The following CACNA1A variants were observed in gnomAD, a reference collection of about 807,000 sequenced individuals.
CACNA1A encodes the protein voltage-dependent P/Q-type calcium channel subunit alpha-1A.
A neutral mutation model predicts 262.4 loss-of-function variants in CACNA1A; 57 were observed. That is an observed-to-expected ratio of 0.22 (90% CI 0.18 to 0.27). The LOEUF (loss-of-function observed/expected upper bound fraction) is 0.27, where lower values mean the gene tolerates loss of function less well. Among genes scored for constraint, CACNA1A ranks in the 10% least tolerant of loss-of-function variants. The probability of loss-of-function intolerance (pLI) is 1.00; values close to 1 mark genes in which losing one functional copy is unlikely to be tolerated. For missense variants in CACNA1A, 2,526 were observed against 3,562.8 expected (o/e 0.71, Z 7.41); for synonymous variants, 1,431 against 1,419.3 (o/e 1.01, Z -0.18).
chr19:13,218,486 G>A (rs966494739), intron 38 of CACNA1A, among the ~76,000 whole-genome samples: 1 of 152,202 alleles, frequency 6.6e-6, no homozygotes, highest in African/African-American at 2.4e-5. Context: ...CGTTGTCTGT[G>A]CAACTCCACT....
chr19:13,431,418 T>C (rs917414815), intron 3 of CACNA1A, among the ~76,000 whole-genome samples: 3 of 151,840 alleles, frequency 2.0e-5, no homozygotes, highest in African/African-American at 7.3e-5. Flanking sequence ...CATAGAGGCA[T>C]AGAGGAAGAT....
intron 5 of CACNA1A, chr19:13,362,471 G>A (rs1440020850): frequency 6.6e-6 from 1 of 152,214 alleles, no homozygotes; most frequent in African/African-American, 2.4e-5. Context: ...CCAAAGTGCT[G>A]GGATTACAGG....
At chr19:13,427,900 T>C (rs2060433558) in intron 3 of CACNA1A, among the ~76,000 whole-genome samples, 1 of 152,160 alleles carries the variant, frequency 6.6e-6, no homozygotes, top group African/African-American at 2.4e-5. Context: ...TTAACCTCTC[T>C]GGGCATCGGT....
chr19:13,307,692 G>A (rs1188069142), intron 15 of CACNA1A, 90 bp downstream of exon 15: 1 of 992,460 alleles, frequency 1.0e-6, no homozygotes, highest in African/African-American at 1.6e-5. Context: ...AGAGAAGGAG[G>A]AGTTCAGGGA....
chr19:13,371,789 A>G lies in CACNA1A; in HGVS notation c.540-10T>C. On this transcript the variant is annotated splice_polypyrimidine_tract_variant and intron_variant, in intron 3 of 46. Transcript: ENST00000360228. ...AACTGTCGCCAAGATGCTGAAAGAA[A>G]GAAGCCAGAATGGAGAACAGAGGGT... The G allele has an allele frequency of 1.3e-6, 2 of 1,558,744 alleles. No homozygotes were observed. Among genetic ancestry groups the G allele is most frequent in the Non-Finnish European group, 1.7e-6 (2 of 1,149,720 alleles).
intron 3 of CACNA1A, among the ~76,000 whole-genome samples, chr19:13,383,035 G>A (rs915748783): frequency 2.6e-5 from 4 of 152,188 alleles, no homozygotes; most frequent in African/African-American, 9.7e-5. Context: ...CTAGTTGGGC[G>A]GGGTGAGGGG....
intron 10 of CACNA1A, among the ~76,000 whole-genome samples, chr19:13,318,968 A>G (rs1034184191): frequency 6.9e-6 from 1 of 145,208 alleles, no homozygotes; most frequent in African/African-American, 2.6e-5. Context: ...AGCTCACTGC[A>G]GCCTTGAACT....
In CACNA1A at chr19:13,207,899, G is replaced by T. The variant is rs994820572; in HGVS notation, c.6935C>A (p.Pro2312Gln). ...CTGCTGCTGCTGCTGCTGCTGCTGC[G>T]GGGGCCCCGAGCCGCCGGCCTTACG... is the stretch of plus-strand genomic sequence containing the variant. ...VIRKAGGSGPPQQQQQQQQQQ... is the reference protein window; with the variant it reads ...VIRKAGGSGPQQQQQQQQQQQ... Residue 2312 changes from proline to glutamine, a missense_variant, in exon 47 of 47, where the codon CCG becomes CAG. Around this residue, in one of 17 missense-constraint regions of CACNA1A, gnomAD observed 929 missense variants for 868.1 expected, o/e 1.07. Transcript: ENST00000360228. The surrounding 1 kb of genome is among the most constrained non-coding windows in gnomAD (Gnocchi z 5.7). 2.8e-6 allele frequency: 4 copies of T among 1,453,864 alleles called. No individual in the cohort carries two copies. Among genetic ancestry groups the T allele is most frequent in the East Asian group, 2.9e-5 (1 of 34,200 alleles). The allele number at this position is 1,453,864 out of a possible 1,614,324, so 90.1% of individuals were successfully genotyped here.
At chr19:13,321,303 G>A (rs2058247359) in intron 10 of CACNA1A, among the ~76,000 whole-genome samples, 2 of 152,082 alleles carry the variant, frequency 1.3e-5, no homozygotes, top group African/African-American at 4.8e-5. Context: ...CAAAGTGCTG[G>A]CATTACAGGC....
At chr19:13,304,555 G>A (rs2057857778) in intron 15 of CACNA1A, among the ~76,000 whole-genome samples, 1 of 151,294 alleles carries the variant, frequency 6.6e-6, no homozygotes, top group Admixed American at 6.6e-5. Flanking sequence ...CTAGGAGTTT[G>A]AGGCTGCAGT....
chr19:13,393,711 CTCTT>C (rs577326955), intron 3 of CACNA1A, among the ~76,000 whole-genome samples: 62 of 113,322 alleles, frequency 5.5e-4, no homozygotes, highest in African/African-American at 1.3e-3. Flanking sequence ...CTTTCTCTCT[CTCTT>C]TCTGTCTTCC....
chr19:13,332,802 G>A (rs1169778384), intron 9 of CACNA1A, 67 bp downstream of exon 9: 11 of 1,043,456 alleles, frequency 1.1e-5, no homozygotes, highest in Admixed American at 1.8e-5. Context: ...GCTCTCCCCC[G>A]ACTCCCCACC....
At chr19:13,400,225 T>C (rs79854359) in intron 3 of CACNA1A, among the ~76,000 whole-genome samples, 2,047 of 152,206 alleles carry the variant, frequency 0.013, 54 homozygotes, top group African/African-American at 0.047. Flanking sequence ...CAAGCTCTCA[T>C]GTGTGTGCAT....
At chr19:13,334,231 T>C (rs1177312097) in intron 8 of CACNA1A, 147 bp downstream of exon 8, 6 of 594,598 alleles carry the variant, frequency 1.0e-5, no homozygotes, top group Admixed American at 2.9e-5. Context: ...TGGATTCTTG[T>C]TGATAAAATT....
At chr19:13,265,902 T>C (rs891795377) in intron 24 of CACNA1A, among the ~76,000 whole-genome samples, 1 of 151,536 alleles carries the variant, frequency 6.6e-6, no homozygotes, top group Non-Finnish European at 1.5e-5. Context: ...CTGGAGTGAA[T>C]GGCGTGATCT....
intron 3 of CACNA1A, among the ~76,000 whole-genome samples, chr19:13,401,206 G>A (rs1248279020): frequency 1.3e-5 from 2 of 152,152 alleles, no homozygotes; most frequent in Non-Finnish European, 2.9e-5. Flanking sequence ...GGGTCCTTCT[G>A]CCTCTTTCTA....
intron 30 of CACNA1A, among the ~76,000 whole-genome samples, chr19:13,246,074 T>G (rs2056227307): frequency 6.6e-6 from 1 of 152,188 alleles, no homozygotes. Context: ...GAGCCCACAG[T>G]CTGTGTTCAG....
intron 3 of CACNA1A, among the ~76,000 whole-genome samples, chr19:13,386,723 G>A (rs1333911849): frequency 6.6e-6 from 1 of 151,984 alleles, no homozygotes; most frequent in Non-Finnish European, 1.5e-5. Context: ...AACCCAGGAG[G>A]CAGAGGTTGC....
At chr19:13,350,649 G>C (rs898333262) in intron 6 of CACNA1A, among the ~76,000 whole-genome samples, 2 of 151,968 alleles carry the variant, frequency 1.3e-5, no homozygotes, top group African/African-American at 4.8e-5. Flanking sequence ...CCCATCGCTG[G>C]GACTTGTTGT....
Sources: allele counts gnomAD v4.1 joint callset (sites outside exome capture counted in the v4.1 genomes callset), GRCh38; gene constraint gnomAD v4.1.1; regional missense constraint gnomAD v4.1.1; non-coding constraint Gnocchi (gnomAD v3.1); transcripts MANE v1.5; gene names NCBI Gene and HGNC (gene_info 2026-07-23, HGNC 2026-07-21).